PACRG: variants seen among roughly 807,000 people sequenced by gnomAD.
PACRG encodes the protein parkin coregulated gene protein.
PACRG carries 29 observed loss-of-function variants against 29.7 expected under a neutral mutation model. The ratio of observed to expected loss-of-function variants is 0.98; its 90% confidence interval spans 0.73 to 1.33. The LOEUF is 1.33. PACRG is among the 40% of genes most tolerant of loss of function. PACRG has a pLI of 0.00. For missense variants in PACRG, 279 were observed against 316.2 expected, an observed-to-expected ratio of 0.88 and a Z score of 0.89; for synonymous variants, 116 against 118.7, an observed-to-expected ratio of 0.98 and a Z score of 0.15.
At chr6:162,878,662 T>A (rs1037909487) in intron 2 of PACRG, among the ~76,000 whole-genome samples, 2 of 152,138 alleles carry the variant, frequency 1.3e-5, no homozygotes, top group Admixed American at 1.3e-4. Context: ...TTTTAAAAAA[T>A]AGTACTAGGG....
At chr6:162,875,024 CAT>C (rs1431618571) in intron 2 of PACRG, among the ~76,000 whole-genome samples, 4 of 152,226 alleles carry the variant, frequency 2.6e-5, no homozygotes, top group South Asian at 2.1e-4. Flanking sequence ...TGTATTCACA[CAT>C]ATGTATATTC....
intron 4 of PACRG, among the ~76,000 whole-genome samples, chr6:163,301,415 T>C (rs534018512): frequency 6.6e-6 from 1 of 152,336 alleles, no homozygotes; most frequent in South Asian, 2.1e-4. Flanking sequence ...TGTTTGCTCA[T>C]AAAGTCCTAC....
At chr6:162,997,231 G>C (rs1428159865) in intron 2 of PACRG, among the ~76,000 whole-genome samples, 1 of 151,980 alleles carries the variant, frequency 6.6e-6, no homozygotes, top group Non-Finnish European at 1.5e-5. Flanking sequence ...TCTACATAAG[G>C]CAAAAACCCT....
chr6:162,766,605 TTTTTGTTTCTTGAATCTA>T (rs1309716005), intron 1 of PACRG, among the ~76,000 whole-genome samples: 1 of 152,218 alleles, frequency 6.6e-6, no homozygotes, highest in Non-Finnish European at 1.5e-5. Context: ...GATAATTCTG[TTTTTGTTTCTTGAATCTA>T]TTTTGTTTCT....
At chr6:162,867,537 G>C (rs1792401335) in intron 2 of PACRG, among the ~76,000 whole-genome samples, 1 of 152,076 alleles carries the variant, frequency 6.6e-6, no homozygotes, top group Non-Finnish European at 1.5e-5. Context: ...GCAGAGCAAG[G>C]GGACTCTCCT....
At chr6:162,961,085 G>T (rs545482690) in intron 2 of PACRG, among the ~76,000 whole-genome samples, 32 of 152,304 alleles carry the variant, frequency 2.1e-4, no homozygotes, top group African/African-American at 7.0e-4. Context: ...GTCACTCATA[G>T]CCCTGTGAAC....
At chr6:163,080,903 G>GAAACTTGA (rs915234279) in intron 3 of PACRG, among the ~76,000 whole-genome samples, 3 of 152,072 alleles carry the variant, frequency 2.0e-5, no homozygotes, top group African/African-American at 7.2e-5. Context: ...TCAAGTAGGA[G>GAAACTTGA]AAACTTGAAA....
intron 1 of PACRG, among the ~76,000 whole-genome samples, chr6:162,735,658 TA>T (rs1780109728): frequency 6.6e-6 from 1 of 152,206 alleles, no homozygotes; most frequent in Non-Finnish European, 1.5e-5. Context: ...ACTTGTCTAG[TA>T]TTGTATGTAT....
At chr6:162,920,045 T>C (rs1796960221) in intron 2 of PACRG, among the ~76,000 whole-genome samples, 1 of 152,168 alleles carries the variant, frequency 6.6e-6, no homozygotes. Context: ...TCTTGATACT[T>C]TTCCCTCTTC....
In PACRG at chr6:162,754,825, C is replaced by T. The variant is rs999981450; in HGVS notation, c.156+26434C>T. On this transcript the variant is annotated intron_variant, in intron 1 of 4. Coordinates refer to ENST00000366888, the MANE Select transcript of PACRG (RefSeq NM_001080379.2). ...TTTTTATGGCAGTACAATGTCATTA[C>T]GTCAATTTTTTGGAAGAGTTGGAGA... Among the ~76,000 whole-genome samples, 9 of 152,132 alleles carry T rather than the reference C, an allele frequency of 5.9e-5. No homozygotes were observed. The South Asian group carries it at 8.3e-4, about 14-fold the overall frequency.
intron 4 of PACRG, among the ~76,000 whole-genome samples, chr6:163,254,067 C>T (rs538759204): frequency 4.6e-5 from 7 of 152,304 alleles, no homozygotes; most frequent in African/African-American, 1.7e-4. Flanking sequence ...CTCCTGCTAC[C>T]ACCAGGGCCA....
chr6:162,760,119 T>G (rs1297481676), intron 1 of PACRG, among the ~76,000 whole-genome samples: 1 of 152,174 alleles, frequency 6.6e-6, no homozygotes, highest in Non-Finnish European at 1.5e-5. Flanking sequence ...CAGTCAGTCG[T>G]CGGCTACTGA....
At chr6:162,762,562 A>ATAGGGATT (rs1402675387) in intron 1 of PACRG, among the ~76,000 whole-genome samples, 3 of 152,186 alleles carry the variant, frequency 2.0e-5, no homozygotes, top group African/African-American at 7.2e-5. Context: ...CCAGAAGTGT[A>ATAGGGATT]TAGGGATTTT....
Position 163,314,997 on chromosome 6 carries a change from C to T in PACRG, c.*10C>T. On this transcript the variant is annotated 3_prime_UTR_variant, in exon 5 of 5. Transcript: ENST00000366888. ...TTGCTTGCTAAACTAACAGTGGCAG[C>T]AGCTGGGACTTGAAACCTCCCGTTG... 1 of 1,611,422 alleles carries T rather than the reference C, an allele frequency of 6.2e-7. No individual in the cohort carries two copies. Among genetic ancestry groups the T allele is most frequent in the Non-Finnish European group, 8.5e-7 (1 of 1,178,180 alleles).
intron 2 of PACRG, among the ~76,000 whole-genome samples, chr6:163,016,643 G>T (rs9356092): frequency 0.46 from 70,177 of 151,762 alleles, 17,133 homozygotes; most frequent in East Asian, 0.72. Context: ...GAGCTAGTAA[G>T]TTTTTTTATG....
intron 4 of PACRG, among the ~76,000 whole-genome samples, chr6:163,239,443 C>A (rs909160962): frequency 6.6e-6 from 1 of 152,120 alleles, no homozygotes; most frequent in Non-Finnish European, 1.5e-5. Context: ...CACTTCAACA[C>A]TTGATCATTT....
chr6:163,089,146 C>G, intron 3 of PACRG, 113 bp from the exon 4 acceptor site: 1 of 1,088,026 alleles, frequency 9.2e-7, no homozygotes, highest in Non-Finnish European at 1.3e-6. Context: ...CCATTGGTCC[C>G]CAGTAGAGCA....
At chr6:163,277,498 CACAT>C (rs1562354749) in intron 4 of PACRG, among the ~76,000 whole-genome samples, 1 of 59,850 alleles carries the variant, frequency 1.7e-5, no homozygotes, top group South Asian at 4.9e-4. Context: ...TATATATACA[CACAT>C]ACACACACAC....
chr6:162,792,177 G>A (rs1785007171), intron 1 of PACRG, among the ~76,000 whole-genome samples: 1 of 152,136 alleles, frequency 6.6e-6, no homozygotes, highest in African/African-American at 2.4e-5. Flanking sequence ...GGTTGACAGA[G>A]AGCTTGATCT....
Sources: allele counts gnomAD v4.1 joint callset (sites outside exome capture counted in the v4.1 genomes callset), GRCh38; gene constraint gnomAD v4.1.1; transcripts MANE v1.5; gene names NCBI Gene and HGNC (gene_info 2026-07-23, HGNC 2026-07-21).